The following GXYLT2 variants were observed in gnomAD, a reference collection of about 807,000 sequenced individuals.
GXYLT2 encodes the protein glycosyltransferase 8 domain containing 4.
GXYLT2 carries 53 observed loss-of-function variants against 45.8 expected under a neutral mutation model. The observed-to-expected ratio is 1.16, with a 90% CI of 0.93 to 1.46. GXYLT2 has a LOEUF of 1.46. GXYLT2 is among the 40% of genes most tolerant of loss of function. The pLI, the probability that GXYLT2 is intolerant of heterozygous loss-of-function variation, is 0.00. For missense variants in GXYLT2, 551 were observed against 544.4 expected (o/e 1.01, Z -0.12); for synonymous variants, 219 against 214.2 (o/e 1.02, Z -0.19).
intron 1 of GXYLT2, among the ~76,000 whole-genome samples, chr3:72,906,494 G>A (rs774182290): frequency 2.0e-5 from 3 of 152,092 alleles, no homozygotes; most frequent in Non-Finnish European, 4.4e-5. Flanking sequence ...TTACTGTCTA[G>A]CTTTCTATAT....
intron 3 of GXYLT2, among the ~76,000 whole-genome samples, chr3:72,944,230 G>A (rs1365298178): frequency 6.7e-6 from 1 of 150,068 alleles, no homozygotes; most frequent in Non-Finnish European, 1.5e-5. Flanking sequence ...TAGGACCACA[G>A]GCACATGTCA....
chr3:72,932,883 C>T (rs748379248), intron 3 of GXYLT2, among the ~76,000 whole-genome samples: 1 of 152,104 alleles, frequency 6.6e-6, no homozygotes, highest in Admixed American at 6.5e-5. Context: ...TGTTAAGACC[C>T]CAGGCTCTGG....
At chr3:72,909,309 A>T (rs925383204) in intron 2 of GXYLT2, among the ~76,000 whole-genome samples, 1 of 147,550 alleles carries the variant, frequency 6.8e-6, no homozygotes, top group African/African-American at 2.5e-5. Context: ...ACCTCAAATG[A>T]TCCACCTGCC....
chr3:72,934,492 G>A (rs1027420692), intron 3 of GXYLT2, among the ~76,000 whole-genome samples: 7 of 152,206 alleles, frequency 4.6e-5, no homozygotes, highest in South Asian at 4.2e-4. Flanking sequence ...TGGGAAAAAC[G>A]CAGAAGCAAA....
intron 3 of GXYLT2, among the ~76,000 whole-genome samples, chr3:72,934,257 G>A (rs1710135564): frequency 6.6e-6 from 1 of 151,500 alleles, no homozygotes; most frequent in Admixed American, 6.6e-5. Flanking sequence ...GCTAATTTTT[G>A]TATTTTTTTG....
intron 2 of GXYLT2, among the ~76,000 whole-genome samples, chr3:72,915,611 C>T (rs1432281972): frequency 1.3e-5 from 2 of 151,732 alleles, no homozygotes; most frequent in East Asian, 1.9e-4. Context: ...CCAAGGCGGG[C>T]GGATCACCTG....
At chr3:72,974,700 G>T (rs779016585) in intron 6 of GXYLT2, among the ~76,000 whole-genome samples, 43 of 151,982 alleles carry the variant, frequency 2.8e-4, no homozygotes, top group Non-Finnish European at 4.3e-4. Flanking sequence ...CTCCCACCTC[G>T]GCCTCTCAAA....
chr3:72,926,234 T>C (rs1709916211), intron 3 of GXYLT2, among the ~76,000 whole-genome samples: 1 of 152,190 alleles, frequency 6.6e-6, no homozygotes. Context: ...CTGAATAATA[T>C]CAGAGCATAA....
intron 3 of GXYLT2, among the ~76,000 whole-genome samples, chr3:72,928,272 A>G (rs1392637570): frequency 2.0e-5 from 3 of 152,252 alleles, no homozygotes; most frequent in Non-Finnish European, 2.9e-5. Flanking sequence ...CTAAGGACCT[A>G]GGCAAATGAA....
intron 3 of GXYLT2, among the ~76,000 whole-genome samples, chr3:72,948,941 TAGG>T (rs2107134326): frequency 6.6e-6 from 1 of 151,936 alleles, no homozygotes; most frequent in Admixed American, 6.6e-5. Flanking sequence ...TACAGAATTC[TAGG>T]AGAACTGTCA....
At chr3:72,892,973 T>C (rs986961160) in intron 1 of GXYLT2, among the ~76,000 whole-genome samples, 12 of 152,174 alleles carry the variant, frequency 7.9e-5, no homozygotes, top group African/African-American at 2.4e-4. Flanking sequence ...CATAGTTACT[T>C]ACTGAGCTCC....
intron 1 of GXYLT2, among the ~76,000 whole-genome samples, chr3:72,894,955 C>G (rs1225355472): frequency 6.6e-6 from 1 of 152,186 alleles, no homozygotes; most frequent in East Asian, 1.9e-4. Context: ...TATGGAAGCC[C>G]CCAGTAAAAC....
intron 2 of GXYLT2, among the ~76,000 whole-genome samples, chr3:72,919,293 G>T (rs1427524289): frequency 6.6e-6 from 1 of 152,072 alleles, no homozygotes; most frequent in East Asian, 1.9e-4. Flanking sequence ...ATAGCATACA[G>T]TATTATTAAA....
At chr3:72,936,857 A>G (rs1241388661) in intron 3 of GXYLT2, among the ~76,000 whole-genome samples, 1 of 152,150 alleles carries the variant, frequency 6.6e-6, no homozygotes, top group Non-Finnish European at 1.5e-5. Context: ...ATGGGAAGGT[A>G]TATGTGTGGG....
intron 5 of GXYLT2, among the ~76,000 whole-genome samples, chr3:72,958,690 G>A (rs1226197621): frequency 1.4e-5 from 2 of 143,806 alleles, no homozygotes; most frequent in Non-Finnish European, 3.0e-5. Flanking sequence ...GGAGTGCAGT[G>A]ACACAATCTC....
intron 3 of GXYLT2, among the ~76,000 whole-genome samples, chr3:72,932,224 T>G (rs1710051880): frequency 1.3e-5 from 2 of 151,874 alleles, no homozygotes; most frequent in Non-Finnish European, 2.9e-5. Flanking sequence ...AGCTAATTTT[T>G]TGTGTGTATT....
Position 72,976,618 on chromosome 3 carries a change from C to T in GXYLT2, c.*1459C>T, listed in dbSNP as rs1195299605. On this transcript the variant is annotated 3_prime_UTR_variant, in exon 7 of 7. Coordinates refer to ENST00000389617, the MANE Select transcript of GXYLT2 (RefSeq NM_001080393.2). ...AGGAGGAAGTTGAATATTCTGTTCC[C>T]CACGGGGATCTGGCTTAATCCCTAG... The T allele has an allele frequency of 3.9e-5, 6 of 152,178 alleles. No individual in the cohort carries two copies. The highest frequency in any genetic ancestry group is 3.9e-4 in the Admixed American group (6 of 15,280). The allele number at this position is 152,178 out of a possible 1,614,324, so 9.4% of individuals were successfully genotyped here. A position where few individuals can be genotyped will look rare whatever the true frequency, so the allele number is the denominator to read the frequency against.
intron 3 of GXYLT2, among the ~76,000 whole-genome samples, chr3:72,927,706 A>G (rs748144458): frequency 1.1e-4 from 17 of 152,180 alleles, no homozygotes; most frequent in Admixed American, 2.6e-4. Context: ...ATCACCATAA[A>G]TGATGTTTAT....
chr3:72,932,300 C>G (rs1201073145), intron 3 of GXYLT2, among the ~76,000 whole-genome samples: 3 of 152,152 alleles, frequency 2.0e-5, no homozygotes, highest in Non-Finnish European at 4.4e-5. Flanking sequence ...TCAGTTGATC[C>G]ACCTGCCTCA....
Sources: allele counts gnomAD v4.1 joint callset (sites outside exome capture counted in the v4.1 genomes callset), GRCh38; gene constraint gnomAD v4.1.1; transcripts MANE v1.5; gene names NCBI Gene and HGNC (gene_info 2026-07-23, HGNC 2026-07-21).